The following GPAT4 variants were observed in gnomAD, a reference collection of about 807,000 sequenced individuals.
GPAT4 encodes the protein 1-AGP acyltransferase 6.
In GPAT4, 17 loss-of-function variants were observed where a neutral mutation model predicts 58.0. The ratio of observed to expected loss-of-function variants is 0.29; its 90% CI spans 0.20 to 0.44. GPAT4 has a LOEUF of 0.44. Among genes scored for constraint, GPAT4 ranks in the 20% least tolerant of loss-of-function variants. GPAT4 has a pLI of 1.00. For synonymous variants in GPAT4, 204 were observed against 210.1 expected, an observed-to-expected ratio of 0.97 and a Z score of 0.25; for missense variants, 377 against 574.5, an observed-to-expected ratio of 0.66 and a Z score of 3.51.
intron 3 of GPAT4, 58 bp downstream of exon 3, chr8:41,609,543 G>T: frequency 1.2e-6 from 2 of 1,604,064 alleles, no homozygotes; most frequent in South Asian, 1.1e-5. Flanking sequence ...GTTCCCCAGT[G>T]CTTCTGGTGC....
chr8:41,583,830 G>C (rs1802586746), intron 1 of GPAT4, among the ~76,000 whole-genome samples: 1 of 152,208 alleles, frequency 6.6e-6, no homozygotes, highest in Admixed American at 6.5e-5. Flanking sequence ...TGCACAATTA[G>C]AAGTATTTTG....
chr8:41,610,793 A>C lies in GPAT4; in HGVS notation c.594A>C (p.Gly198=). The change falls in exon 5 of 13, where the codon GGA becomes GGC. Residue 198 remains glycine (G), a synonymous_variant. Transcript: ENST00000396987. ...SLLVVGTTVV[G]YLPNGRFKEF... ...TGGTGGTGGGCACAACTGTGGTGGG[A>C]TACTTGCCAAATGGGAGGTGAGTAG... 6.2e-7 allele frequency: 1 copy of C among 1,611,642 alleles called. No homozygotes were observed.
At position 41,620,971 on chromosome 8, in the gene GPAT4, G is replaced by T; in HGVS notation, c.1341G>T (p.Val447=). Residue 447 remains valine, a synonymous_variant, in exon 13 of 13, where the codon GTG becomes GTT. Coordinates refer to ENST00000396987, the MANE Select transcript of GPAT4 (RefSeq NM_178819.4). ...EQQKLYSKMI[V]GNHKDRSRS The stretch of plus-strand genomic sequence containing the variant: ...AGAAGCTGTACAGCAAGATGATCGT[G>T]GGGAACCACAAGGACAGGAGCCGCT... 6.4e-7 allele frequency: 1 copy of T among 1,551,474 alleles called. No homozygotes were observed.
At chr8:41,583,370 C>A (rs1802574370) in intron 1 of GPAT4, among the ~76,000 whole-genome samples, 1 of 151,796 alleles carries the variant, frequency 6.6e-6, no homozygotes, top group South Asian at 2.1e-4. Flanking sequence ...TTCCCAGCTG[C>A]TGGTATCTAT....
chr8:41,585,393 C>A (rs1446835474), intron 1 of GPAT4, among the ~76,000 whole-genome samples: 1 of 152,172 alleles, frequency 6.6e-6, no homozygotes, highest in Non-Finnish European at 1.5e-5. Flanking sequence ...CGTAACTTGT[C>A]CCCATCATCA....
intron 2 of GPAT4, among the ~76,000 whole-genome samples, chr8:41,602,743 G>A (rs551063461): frequency 9.9e-5 from 15 of 152,178 alleles, no homozygotes; most frequent in South Asian, 2.1e-4. Context: ...CTGCTATAAC[G>A]AACTACCATG....
chr8:41,586,059 A>G (rs1182079277), intron 1 of GPAT4, among the ~76,000 whole-genome samples: 1 of 152,224 alleles, frequency 6.6e-6, no homozygotes, highest in East Asian at 1.9e-4. Flanking sequence ...GTCACCTCAG[A>G]AAGAAACGTT....
chr8:41,605,212 G>A (rs181821162), intron 2 of GPAT4, among the ~76,000 whole-genome samples: 147 of 152,352 alleles, frequency 9.6e-4, no homozygotes, highest in Non-Finnish European at 1.8e-3. Flanking sequence ...AGTTCTGGCT[G>A]CCGCCTCTTG....
intron 2 of GPAT4, among the ~76,000 whole-genome samples, chr8:41,604,121 G>A (rs1803189436): frequency 7.2e-6 from 1 of 139,460 alleles, no homozygotes; most frequent in Admixed American, 7.4e-5. Flanking sequence ...GTGTTTACTT[G>A]TTGTTGTGTG....
At chr8:41,619,033 T>G (rs1207128728) in intron 12 of GPAT4, 56 bp downstream of exon 12, 6 of 1,580,818 alleles carry the variant, frequency 3.8e-6, no homozygotes, top group Non-Finnish European at 5.2e-6. Context: ...GCTGTGTCAT[T>G]GACTTCACTT....
intron 1 of GPAT4, among the ~76,000 whole-genome samples, chr8:41,588,946 A>G (rs139711629): frequency 1.6e-3 from 243 of 152,344 alleles, no homozygotes; most frequent in African/African-American, 5.7e-3. Flanking sequence ...GTTGGAACCC[A>G]TCTGTGGACG....
At chr8:41,599,963 A>G (rs1803036762) in intron 2 of GPAT4, among the ~76,000 whole-genome samples, 1 of 151,772 alleles carries the variant, frequency 6.6e-6, no homozygotes, top group South Asian at 2.1e-4. Flanking sequence ...TTAGGGATTC[A>G]TGTATAATTT....
At chr8:41,596,909 A>G (rs961811948) in intron 1 of GPAT4, among the ~76,000 whole-genome samples, 3 of 152,188 alleles carry the variant, frequency 2.0e-5, no homozygotes, top group Non-Finnish European at 4.4e-5. Context: ...TTAAGGGCTT[A>G]CAACTCCAAG....
chr8:41,617,918 T>TAG (rs1803641076), intron 10 of GPAT4, among the ~76,000 whole-genome samples: 1 of 152,230 alleles, frequency 6.6e-6, no homozygotes, highest in Non-Finnish European at 1.5e-5. Flanking sequence ...TTGCGCAACT[T>TAG]CCTCTAGAGC....
In GPAT4 at chr8:41,621,002, G is replaced by A; in HGVS notation, c.*1G>A. ...CCACAAGGACAGGAGCCGCTCCTGA[G>A]CCTGCCTCCAGCTGGCTGGGGCCAC... On this transcript the variant is annotated 3_prime_UTR_variant, in exon 13 of 13. Coordinates refer to ENST00000396987, the MANE Select transcript of GPAT4 (RefSeq NM_178819.4). 11 of 1,550,914 alleles carry A rather than the reference G, an allele frequency of 7.1e-6. No individual in the cohort carries two copies. Among genetic ancestry groups the A allele is most frequent in the Non-Finnish European group, 8.7e-6 (10 of 1,147,028 alleles).
chr8:41,621,278 A>C lies in GPAT4; in HGVS notation c.*277A>C, dbSNP rs1205679838. ...TAAGTCGTTGGAGGAATGCCATTAAAGTGAACTCCCCACCTTTGCACGCTG... is the reference window on the plus strand; with the variant it reads ...TAAGTCGTTGGAGGAATGCCATTAACGTGAACTCCCCACCTTTGCACGCTG... On this transcript the variant is annotated 3_prime_UTR_variant, in exon 13 of 13. Transcript: ENST00000396987. The C allele has an allele frequency of 1.1e-5, 5 of 466,596 alleles. No individual in the cohort carries two copies. Among genetic ancestry groups the C allele is most frequent in the Non-Finnish European group, 2.0e-5 (5 of 255,626 alleles). The allele number at this position is 466,596 out of a possible 1,614,324, so 28.9% of individuals were successfully genotyped here.
At position 41,612,009 on chromosome 8, in the gene GPAT4, T is replaced by C; in HGVS notation, c.701+17T>C. 6.2e-7 allele frequency: 1 copy of C among 1,613,770 alleles called. No individual in the cohort carries two copies. Among genetic ancestry groups the C allele is most frequent in the Non-Finnish European group, 8.5e-7 (1 of 1,179,784 alleles). On this transcript the variant is annotated intron_variant, in intron 6 of 12. Coordinates refer to ENST00000396987, the MANE Select transcript of GPAT4 (RefSeq NM_178819.4). Reference sequence around the variant, plus strand: ...CCATGACAGGTGAGAGCGCTTTGTATTGATAGGAAGGGAGATGGCGCTGCA... The same window carrying C: ...CCATGACAGGTGAGAGCGCTTTGTACTGATAGGAAGGGAGATGGCGCTGCA...
chr8:41,594,861 A>G (rs1186370550), intron 1 of GPAT4, among the ~76,000 whole-genome samples: 1 of 151,860 alleles, frequency 6.6e-6, no homozygotes, highest in East Asian at 1.9e-4. Flanking sequence ...TTTTTTTTAA[A>G]CGACCAGTTA....
chr8:41,610,254 T>C, intron 4 of GPAT4: 8 of 1,275,908 alleles, frequency 6.3e-6, no homozygotes, highest in Non-Finnish European at 7.9e-6. Context: ...TGGACATGGC[T>C]CATTCTTTCC....
Sources: allele counts gnomAD v4.1 joint callset (sites outside exome capture counted in the v4.1 genomes callset), GRCh38; gene constraint gnomAD v4.1.1; transcripts MANE v1.5; gene names NCBI Gene and HGNC (gene_info 2026-07-23, HGNC 2026-07-21).